CACNA1I: variants seen among roughly 807,000 people sequenced by gnomAD.
CACNA1I encodes voltage-dependent T-type calcium channel subunit alpha-1I.
In CACNA1I, 74 loss-of-function variants were observed where a neutral mutation model predicts 201.6. The observed-to-expected ratio is 0.37, with a 90% CI of 0.30 to 0.45. The LOEUF (loss-of-function observed/expected upper bound fraction) is 0.45, where lower values mean the gene tolerates loss of function less well. CACNA1I is among the 20% of genes least tolerant of loss of function. The probability of loss-of-function intolerance (pLI) is 1.00; values close to 1 mark genes in which losing one functional copy is unlikely to be tolerated. For synonymous variants in CACNA1I, 1,431 were observed against 1,345.2 expected, an observed-to-expected ratio of 1.06 and a Z score of -1.40; for missense variants, 2,346 against 3,138.1, an observed-to-expected ratio of 0.75 and a Z score of 6.03.
At chr22:39,643,460 A>G (rs1934398945) in intron 7 of CACNA1I, 1 of 154,918 alleles carries the variant, frequency 6.5e-6, no homozygotes, top group Non-Finnish European at 1.4e-5. Flanking sequence ...GCACCCCCAT[A>G]TGGTCTTCCC....
chr22:39,597,114 C>T (rs1319701691), intron 1 of CACNA1I, among the ~76,000 whole-genome samples: 1 of 152,182 alleles, frequency 6.6e-6, no homozygotes, highest in Non-Finnish European at 1.5e-5. Context: ...CCATTTCATC[C>T]TGGACTGCCT....
chr22:39,620,198 C>A (rs1255653121), intron 4 of CACNA1I, among the ~76,000 whole-genome samples: 1 of 133,938 alleles, frequency 7.5e-6, no homozygotes, highest in South Asian at 2.7e-4. Context: ...CATCCATTCA[C>A]CCACCCGTCC....
intron 1 of CACNA1I, among the ~76,000 whole-genome samples, chr22:39,575,694 G>A (rs374495537): frequency 6.6e-6 from 1 of 152,114 alleles, no homozygotes. Context: ...GGGCACCTCT[G>A]GCAGCTATGG....
At position 39,570,859 on chromosome 22, in the gene CACNA1I, C is replaced by G; in HGVS notation, c.107C>G (p.Pro36Arg). The G allele has an allele frequency of 6.2e-7, 1 of 1,613,678 alleles. No homozygotes were observed. The highest frequency in any genetic ancestry group is 1.1e-5 in the South Asian group (1 of 91,076). ...PGPRSPPSSP[P>R]GLEEPLDGAD... ...CCCCGGAGCCCCCCATCCTCCCCGCCAGGCCTGGAGGAGCCTCTGGATGGA... is the reference window on the plus strand; with the variant it reads ...CCCCGGAGCCCCCCATCCTCCCCGCGAGGCCTGGAGGAGCCTCTGGATGGA... The change falls in exon 1 of 37, where the codon CCA (proline) becomes CGA (arginine). Residue 36 changes from proline to arginine, a missense_variant. Physicochemically the swap from Pro to Arg is moderately radical, Grantham distance 103. Coordinates refer to ENST00000402142, the MANE Select transcript of CACNA1I (RefSeq NM_021096.4).
rs191289786 is a variant in CACNA1I, at chr22:39,636,660, G to A, written c.740+1936G>A. The stretch of plus-strand genomic sequence containing the variant: ...TTTAGGGCAGGGAGCAGAGAAGTTG[G>A]TAACCAGGGTTCACAAAGAGGCAGC... On this transcript the variant is annotated intron_variant, in intron 5 of 36. Transcript: ENST00000402142. Among the ~76,000 whole-genome samples the A allele has an allele frequency of 8.8e-4, 134 of 152,338 alleles. 2 individuals carry two copies. The highest frequency in any genetic ancestry group is 6.8e-3 in the Admixed American group (104 of 15,304).
chr22:39,619,494 C>T (rs1378105559), intron 4 of CACNA1I, 87 bp downstream of exon 4: 2 of 914,470 alleles, frequency 2.2e-6, no homozygotes, highest in East Asian at 4.8e-5. Flanking sequence ...ATGCCCACCC[C>T]CCCACCCTGC....
intron 3 of CACNA1I, among the ~76,000 whole-genome samples, chr22:39,605,863 T>C (rs964797025): frequency 2.6e-5 from 4 of 150,958 alleles, no homozygotes; most frequent in Non-Finnish European, 5.9e-5. Flanking sequence ...GAAAGGTGAG[T>C]GACAGGGGAT....
chr22:39,628,648 C>T (rs1014602184), intron 4 of CACNA1I, among the ~76,000 whole-genome samples: 2 of 152,140 alleles, frequency 1.3e-5, no homozygotes, highest in African/African-American at 2.4e-5. Flanking sequence ...GCAGCTGTGA[C>T]CCCGGCAAGC....
chr22:39,632,399 C>T (rs1327366311), intron 4 of CACNA1I, among the ~76,000 whole-genome samples: 1 of 152,226 alleles, frequency 6.6e-6, no homozygotes, highest in Non-Finnish European at 1.5e-5. Context: ...TCCTCAGAGC[C>T]CCCTGCAACC....
chr22:39,623,460 G>A (rs1933809082), intron 4 of CACNA1I, among the ~76,000 whole-genome samples: 1 of 152,058 alleles, frequency 6.6e-6, no homozygotes, highest in Non-Finnish European at 1.5e-5. Flanking sequence ...AAGTGTGTGT[G>A]TTGTGAGGGT....
chr22:39,681,554 C>T (rs183754145), intron 34 of CACNA1I, among the ~76,000 whole-genome samples: 130 of 152,280 alleles, frequency 8.5e-4, no homozygotes, highest in African/African-American at 3.0e-3. Flanking sequence ...AGAAGTGGGG[C>T]GATGCTCACA....
rs537421190 is a variant in CACNA1I at position 39,677,012 on chromosome 22, CCTT to C, written c.4855-320_4855-318del. 4.6e-5 allele frequency among the ~76,000 whole-genome samples: 7 copies of C among 152,186 alleles called. No individual in the cohort carries two copies. Among genetic ancestry groups the C allele is most frequent in the South Asian group, 2.1e-4 (1 of 4,830 alleles). ...AGTGATGTCACCTCTCAGTCTGTCT[CCTT>C]CTTCTTCTGAAGAATGGGGATAAAA... is the stretch of plus-strand genomic sequence containing the variant. On this transcript the variant is annotated intron_variant, in intron 29 of 36. Transcript: ENST00000402142. The surrounding 1 kb of genome is among the most constrained non-coding windows in gnomAD (Gnocchi z 4.8).
At position 39,658,222 on chromosome 22, in the gene CACNA1I, T is replaced by A; in HGVS notation, c.2063T>A (p.Ile688Asn). The A allele has an allele frequency of 6.2e-7, 1 of 1,613,952 alleles. No individual in the cohort carries two copies. The highest frequency in any genetic ancestry group is 1.1e-5 in the South Asian group (1 of 91,074). ...ACCAGCATGTTTGCCCTGGAGATGATCCTGAAGCTGGCTGCATTTGGGCTC... is the reference window on the plus strand; with the variant it reads ...ACCAGCATGTTTGCCCTGGAGATGAACCTGAAGCTGGCTGCATTTGGGCTC... ...VFTSMFALEM[I>N]LKLAAFGLFD... The change falls in exon 11 of 37, where the codon ATC becomes AAC. Residue 688 changes from isoleucine (I) to asparagine (N), a missense_variant. Physicochemically the swap from Ile to Asn is moderately radical, Grantham distance 149. This residue lies in a region of CACNA1I where 155 missense variants were observed against 300.8 expected (regional missense o/e 0.52). Transcript: ENST00000402142.
rs963486746 is a variant in CACNA1I at position 39,684,630 on chromosome 22, G to A, written c.6027+132G>A. The A allele has an allele frequency of 3.2e-6, 3 of 924,396 alleles. No individual in the cohort carries two copies. Among genetic ancestry groups the A allele is most frequent in the Middle Eastern group, 3.1e-4 (1 of 3,230 alleles). 57.3% of individuals were successfully genotyped at this position (924,396 alleles called of 1,614,324 possible). A position where few individuals can be genotyped will look rare whatever the true frequency, so the allele number is the denominator to read the frequency against. On this transcript the variant is annotated intron_variant, in intron 36 of 36. Transcript: ENST00000402142. The surrounding 1 kb of genome is among the most constrained non-coding windows in gnomAD (Gnocchi z 4.6). ...GCCGAGGGCACCACCGTGCAAGGGG[G>A]TTTGGGAACGCTGGGGTGACGCTGA...
intron 3 of CACNA1I, among the ~76,000 whole-genome samples, chr22:39,609,835 C>T (rs1343001448): frequency 1.3e-5 from 2 of 152,350 alleles, no homozygotes; most frequent in East Asian, 1.9e-4. Context: ...CTTCACCCAC[C>T]CTCTGCCAAA....
At chr22:39,678,985 G>A (rs1935597203) in intron 31 of CACNA1I, 122 bp from the exon 32 acceptor site, 1 of 724,640 alleles carries the variant, frequency 1.4e-6, no homozygotes, top group African/African-American at 1.8e-5. Flanking sequence ...GGCAGCCCGG[G>A]GCCATCTCGG....
chr22:39,665,699 A>G lies in CACNA1I; in HGVS notation c.3978+75A>G. ...AGGAAGTCTCAGACAGCCAGGGGAG[A>G]GACTCCACATTCCAACCTCATGCGC... On this transcript the variant is annotated intron_variant, in intron 22 of 36. Transcript: ENST00000402142. The surrounding 1 kb of genome is among the most constrained non-coding windows in gnomAD (Gnocchi z 5.5). 1 of 1,578,602 alleles carries G rather than the reference A, an allele frequency of 6.3e-7. No individual in the cohort carries two copies. The highest frequency in any genetic ancestry group is 1.7e-5 in the Admixed American group (1 of 58,918).
intron 15 of CACNA1I, among the ~76,000 whole-genome samples, 176 bp from the exon 16 acceptor site, chr22:39,660,932 C>T (rs113038998): frequency 0.058 from 8,758 of 152,146 alleles, 361 homozygotes; most frequent in Middle Eastern, 0.14. Context: ...GCAGGTGGGG[C>T]GAAGGGGAGG....
Position 39,681,038 on chromosome 22 carries a change from C to T in CACNA1I, c.5650C>T (p.Arg1884Cys), listed in dbSNP as rs183581233. The change falls in exon 34 of 37, where the codon CGC becomes TGC. Residue 1884 changes from arginine (R) to cysteine (C), a missense_variant. Around this residue, in one of 13 missense-constraint regions of CACNA1I, gnomAD observed 441 missense variants for 555.6 expected, o/e 0.79. Transcript: ENST00000402142. ...GGACCCCACAGCCTGCCCACCTGGC[C>T]GCAAAGACAGCAAGGTCAGCTCCCC... ...LEDPTACPPG[R>C]KDSKGELDPP... 76 of 1,609,814 alleles carry T rather than the reference C, an allele frequency of 4.7e-5. No homozygotes were observed. Among genetic ancestry groups the T allele is most frequent in the Admixed American group, 2.2e-4 (13 of 59,840 alleles).
Sources: gnomAD v4.1 joint callset for allele counts (sites outside exome capture counted in the v4.1 genomes callset) on GRCh38, gnomAD v4.1.1 for gene constraint, gnomAD v4.1.1 regional missense constraint, Gnocchi (gnomAD v3.1) non-coding constraint, MANE v1.5 for transcripts, NCBI Gene and HGNC (gene_info 2026-07-23, HGNC 2026-07-21) for gene names.